C8orf34: variants seen among roughly 807,000 people sequenced by gnomAD.
C8orf34 encodes the protein uncharacterized protein C8orf34.
A neutral mutation model predicts 68.3 loss-of-function variants in C8orf34; 65 were observed. The observed-to-expected ratio is 0.95, with a 90% CI of 0.78 to 1.17. C8orf34 has a LOEUF of 1.17. Among genes scored for constraint, C8orf34 ranks in the 50% most tolerant of loss-of-function variants. The pLI is 0.00. For synonymous variants in C8orf34, 244 were observed against 241.2 expected (o/e 1.01, Z -0.11); for missense variants, 664 against 655.4 (o/e 1.01, Z -0.14).
intron 1 of C8orf34, among the ~76,000 whole-genome samples, chr8:68,400,514 T>C (rs1808902828): frequency 6.6e-6 from 1 of 152,170 alleles, no homozygotes; most frequent in African/African-American, 2.4e-5. Context: ...TGGCTTCATT[T>C]CTGGAATCCT....
At chr8:68,771,558 T>G (rs535899947) in intron 10 of C8orf34, among the ~76,000 whole-genome samples, 1 of 152,336 alleles carries the variant, frequency 6.6e-6, no homozygotes, top group South Asian at 2.1e-4. Context: ...CTCTGTTGTG[T>G]CTGGGCCCTT....
intron 10 of C8orf34, among the ~76,000 whole-genome samples, chr8:68,722,719 G>A (rs1180702363): frequency 6.6e-6 from 1 of 151,740 alleles, no homozygotes; most frequent in Non-Finnish European, 1.5e-5. Flanking sequence ...AAGAATTTTT[G>A]TACATTTTTT....
intron 1 of C8orf34, among the ~76,000 whole-genome samples, chr8:68,359,119 TA>T (rs1468738436): frequency 2.6e-5 from 4 of 152,188 alleles, no homozygotes; most frequent in African/African-American, 9.7e-5. Context: ...ATGAAGTCAT[TA>T]AAAATGTGGA....
chr8:68,517,262 T>C (rs1296044145), intron 5 of C8orf34, among the ~76,000 whole-genome samples: 1 of 152,142 alleles, frequency 6.6e-6, no homozygotes, highest in Non-Finnish European at 1.5e-5. Context: ...TAATCAAATA[T>C]AAATAATATA....
chr8:68,598,645 A>G (rs1202140034), intron 7 of C8orf34, among the ~76,000 whole-genome samples: 2 of 152,172 alleles, frequency 1.3e-5, no homozygotes, highest in Non-Finnish European at 2.9e-5. Context: ...TTGAATAGAT[A>G]ATAGAAATTT....
intron 1 of C8orf34, among the ~76,000 whole-genome samples, chr8:68,404,675 A>G (rs1415066340): frequency 2.0e-5 from 3 of 152,180 alleles, no homozygotes; most frequent in Non-Finnish European, 4.4e-5. Flanking sequence ...GTCAAAGATC[A>G]GATTGTTGTA....
At chr8:68,443,324 A>C (rs999186154) in intron 2 of C8orf34, among the ~76,000 whole-genome samples, 36 of 152,208 alleles carry the variant, frequency 2.4e-4, no homozygotes, top group Admixed American at 2.4e-3. Flanking sequence ...AAGGGGTTAT[A>C]ATTGAATGAT....
At chr8:68,405,127 C>T (rs1164598263) in intron 1 of C8orf34, among the ~76,000 whole-genome samples, 9 of 152,078 alleles carry the variant, frequency 5.9e-5, no homozygotes. Flanking sequence ...CTTTTTGTAG[C>T]AAATGTGAAT....
chr8:68,376,450 G>T (rs1807803586), intron 1 of C8orf34, among the ~76,000 whole-genome samples: 1 of 152,140 alleles, frequency 6.6e-6, no homozygotes, highest in Non-Finnish European at 1.5e-5. Context: ...ATGGGAATAA[G>T]ATTAGTGTTC....
intron 2 of C8orf34, among the ~76,000 whole-genome samples, chr8:68,440,617 T>C (rs981557649): frequency 3.3e-5 from 5 of 152,172 alleles, no homozygotes; most frequent in African/African-American, 1.2e-4. Context: ...TACTTTTTCT[T>C]GGCCTTAACT....
At chr8:68,496,232 G>A (rs567160493) in intron 5 of C8orf34, among the ~76,000 whole-genome samples, 6 of 152,268 alleles carry the variant, frequency 3.9e-5, no homozygotes, top group Admixed American at 3.9e-4. Context: ...GACAGTTCAT[G>A]AAGACTGTAT....
At chr8:68,459,863 G>A (rs963948396) in intron 3 of C8orf34, among the ~76,000 whole-genome samples, 4 of 152,274 alleles carry the variant, frequency 2.6e-5, no homozygotes, top group East Asian at 1.9e-4. Flanking sequence ...TGTGAGTGAC[G>A]CAGAAGACAG....
At chr8:68,723,240 T>G (rs1563630880) in intron 10 of C8orf34, among the ~76,000 whole-genome samples, 1 of 152,112 alleles carries the variant, frequency 6.6e-6, no homozygotes, top group Non-Finnish European at 1.5e-5. Flanking sequence ...TTAAACCTAA[T>G]CCTTTTTACA....
At chr8:68,558,169 T>C (rs1469510574) in intron 7 of C8orf34, among the ~76,000 whole-genome samples, 1 of 152,172 alleles carries the variant, frequency 6.6e-6, no homozygotes, top group African/African-American at 2.4e-5. Context: ...AGGTGAAAAC[T>C]ATTATATTAA....
chr8:68,667,206 A>G (rs922006148), intron 8 of C8orf34, among the ~76,000 whole-genome samples: 1 of 152,210 alleles, frequency 6.6e-6, no homozygotes, highest in African/African-American at 2.4e-5. Flanking sequence ...TGGTCCATCA[A>G]AATGTGTATA....
At chr8:68,497,120 T>C (rs183675347) in intron 5 of C8orf34, among the ~76,000 whole-genome samples, 1 of 152,282 alleles carries the variant, frequency 6.6e-6, no homozygotes, top group Non-Finnish European at 1.5e-5. Context: ...ATATTTGCAG[T>C]TTATATCACA....
chr8:68,552,939 T>C (rs1445898466), intron 7 of C8orf34, among the ~76,000 whole-genome samples: 1 of 152,208 alleles, frequency 6.6e-6, no homozygotes, highest in South Asian at 2.1e-4. Flanking sequence ...ATTCCTTTTA[T>C]ATGTTGCTGA....
intron 1 of C8orf34, among the ~76,000 whole-genome samples, chr8:68,410,560 A>G (rs890437429): frequency 1.3e-5 from 2 of 152,106 alleles, no homozygotes; most frequent in Non-Finnish European, 2.9e-5. Context: ...GCTGGAACCA[A>G]TGCTGTGTGG....
chr8:68,674,197 C>T (rs573186408), intron 8 of C8orf34, among the ~76,000 whole-genome samples: 83 of 151,750 alleles, frequency 5.5e-4, no homozygotes, highest in African/African-American at 1.8e-3. Context: ...AAGCCCAGAC[C>T]GTAAAGATTA....
Sources: gnomAD v4.1 joint callset for allele counts (sites outside exome capture counted in the v4.1 genomes callset) on GRCh38, gnomAD v4.1.1 for gene constraint, MANE v1.5 for transcripts, NCBI Gene and HGNC (gene_info 2026-07-23, HGNC 2026-07-21) for gene names.